Variants in PTPRJ observed in about 807,000 individuals in gnomAD.
The protein encoded by PTPRJ is receptor-type tyrosine-protein phosphatase eta.
PTPRJ carries 129 observed loss-of-function variants against 141.3 expected under a neutral mutation model. That is an observed-to-expected ratio of 0.91 (90% CI 0.79 to 1.06). PTPRJ has a LOEUF of 1.06. Among genes scored for constraint, PTPRJ ranks in the 50% least tolerant of loss-of-function variants. PTPRJ has a pLI of 0.00. For missense variants in PTPRJ, 1,601 were observed against 1,679.7 expected (o/e 0.95, Z 0.82); for synonymous variants, 610 against 640.5 (o/e 0.95, Z 0.72).
chr11:48,126,775 A>AACACACACAC (rs10599361), intron 6 of PTPRJ, among the ~76,000 whole-genome samples: 168 of 137,238 alleles, frequency 1.2e-3, no homozygotes, highest in Non-Finnish European at 1.7e-3. Flanking sequence ...AGTCTGTTGC[A>AACACACACAC]ACACACACAC....
intron 1 of PTPRJ, among the ~76,000 whole-genome samples, chr11:48,085,280 G>C (rs1855671410): frequency 6.7e-6 from 1 of 150,024 alleles, no homozygotes; most frequent in African/African-American, 2.5e-5. Flanking sequence ...TTTTGTATTG[G>C]AAACATCATT....
At chr11:48,111,662 C>T (rs1203700285) in intron 2 of PTPRJ, among the ~76,000 whole-genome samples, 1 of 152,064 alleles carries the variant, frequency 6.6e-6, no homozygotes, top group African/African-American at 2.4e-5. Context: ...ATTCAAACAT[C>T]TACCGTAGGT....
intron 1 of PTPRJ, among the ~76,000 whole-genome samples, chr11:48,048,665 G>T: frequency 6.6e-6 from 1 of 152,106 alleles, no homozygotes; most frequent in East Asian, 1.9e-4. Flanking sequence ...GTGATGGCGC[G>T]TGCCTGTATT....
In PTPRJ at chr11:48,111,194, C is replaced by T. The variant is rs573651553; in HGVS notation, c.115+1118C>T. 5.0e-4 allele frequency among the ~76,000 whole-genome samples: 73 copies of T among 146,534 alleles called. 2 individuals are homozygous for T. The South Asian group carries it at 0.015, about 29-fold the overall frequency. On this transcript the variant is annotated intron_variant, in intron 2 of 24. Transcript: ENST00000418331. ...ACTTGGGAGGCTGAGGCAGGAGAAT[C>T]GCTTGAGCCTGAGAGGTGGAGGCTG...
intron 1 of PTPRJ, among the ~76,000 whole-genome samples, chr11:48,068,399 A>G (rs1043713715): frequency 6.6e-6 from 1 of 152,190 alleles, no homozygotes; most frequent in Admixed American, 6.5e-5. Flanking sequence ...TTCTGGTGGT[A>G]GTGAATAAGT....
In PTPRJ at chr11:48,115,603, A is replaced by G. The variant is rs1010944272; in HGVS notation, c.352+2620A>G. ...GACACTAGTGATTAATTGAAAACAT[A>G]TGAAAGGATAAGACTAGTAAAATAA... On this transcript the variant is annotated intron_variant, in intron 3 of 24. Transcript: ENST00000418331. 2.0e-5 allele frequency among the ~76,000 whole-genome samples: 3 copies of G among 152,254 alleles called. 1 individual carries two copies. Among genetic ancestry groups the G allele is most frequent in the South Asian group, 4.1e-4 (2 of 4,838 alleles).
chr11:48,056,888 A>G (rs1164161223), intron 1 of PTPRJ, among the ~76,000 whole-genome samples: 1 of 152,214 alleles, frequency 6.6e-6, no homozygotes, highest in Non-Finnish European at 1.5e-5. Flanking sequence ...CGGGAGGAGG[A>G]GGTTGCAGTG....
At position 48,005,809 on chromosome 11, in the gene PTPRJ, T is replaced by C. The variant is rs7120424; in HGVS notation, c.96+24801T>C. Among the ~76,000 whole-genome samples the C allele has an allele frequency of 9.7e-3, 1,473 of 152,346 alleles. 34 individuals carry two copies. The highest frequency in any genetic ancestry group is 0.034 in the African/African-American group (1,421 of 41,584). ...TGGGCTGGGTTTAGGGCAAGCTTCA[T>C]GTGCTTCCTTTCTTTTAAGGGACTC... On this transcript the variant is annotated intron_variant, in intron 1 of 24. Coordinates refer to ENST00000418331, the MANE Select transcript of PTPRJ (RefSeq NM_002843.4).
chr11:48,007,523 C>T (rs1417914150), intron 1 of PTPRJ, among the ~76,000 whole-genome samples: 3 of 152,170 alleles, frequency 2.0e-5, no homozygotes, highest in African/African-American at 7.2e-5. Context: ...GTGCCTCAGC[C>T]TCCTGAGTAG....
At chr11:48,119,561 A>G (rs556804700) in intron 3 of PTPRJ, among the ~76,000 whole-genome samples, 27 of 151,964 alleles carry the variant, frequency 1.8e-4, no homozygotes, top group Admixed American at 5.9e-4. Context: ...ACCATGCCCA[A>G]TTAATTTTTG....
In PTPRJ at chr11:48,164,459, G is replaced by A. The variant is rs373684297; in HGVS notation, c.3799G>A (p.Val1267Met). ...GATAGAGAATGAGAACACCGTGGAT[G>A]TGTATGGGATTGTGTATGACCTTCG... ...YQIENENTVD[V>M]YGIVYDLRMH... Residue 1267 changes from valine to methionine, a missense_variant, in exon 24 of 25, where the codon GTG becomes ATG. By Grantham distance (21) the Val-to-Met change is conservative. Coordinates refer to ENST00000418331, the MANE Select transcript of PTPRJ (RefSeq NM_002843.4). The A allele has an allele frequency of 2.9e-5, 46 of 1,612,664 alleles. No individual in the cohort carries two copies. The highest frequency in any genetic ancestry group is 3.8e-5 in the Non-Finnish European group (45 of 1,179,368).
chr11:48,085,620 C>G (rs547567424), intron 1 of PTPRJ, among the ~76,000 whole-genome samples: 7 of 151,996 alleles, frequency 4.6e-5, no homozygotes, highest in African/African-American at 1.7e-4. Flanking sequence ...GCTGGGATTG[C>G]GGGCTGGGAT....
At chr11:48,000,140 C>CTT (rs1168869186) in intron 1 of PTPRJ, among the ~76,000 whole-genome samples, 4 of 121,354 alleles carry the variant, frequency 3.3e-5, no homozygotes, top group African/African-American at 6.5e-5. Context: ...ATGCCTGGCC[C>CTT]TTTTTTTTTT....
intron 1 of PTPRJ, among the ~76,000 whole-genome samples, chr11:47,996,484 G>A (rs994425685): frequency 6.6e-6 from 1 of 152,110 alleles, no homozygotes. Flanking sequence ...ATCTGTTACT[G>A]CATCTGGAAA....
chr11:48,089,503 G>A (rs561091824), intron 1 of PTPRJ, among the ~76,000 whole-genome samples: 14 of 131,500 alleles, frequency 1.1e-4, no homozygotes, highest in African/African-American at 3.6e-4. Flanking sequence ...GCAACGGAGC[G>A]AGACTCCATC....
In PTPRJ at chr11:48,053,316, TA is replaced by T. The variant is rs1243196073; in HGVS notation, c.97-56741del. ...ATATATAAAATATATAAATATATAATATATATTATATATTAATATATTATAT... is the reference window on the plus strand; with the variant it reads ...ATATATAAAATATATAAATATATAATTATATTATATATTAATATATTATAT... On this transcript the variant is annotated intron_variant, in intron 1 of 24. Coordinates refer to ENST00000418331, the MANE Select transcript of PTPRJ (RefSeq NM_002843.4). Among the ~76,000 whole-genome samples the T allele has an allele frequency of 6.8e-3, 626 of 91,388 alleles. 5 individuals carry two copies. The highest frequency in any genetic ancestry group is 0.024 in the Middle Eastern group (5 of 206). 60.0% of individuals were successfully genotyped at this position (91,388 alleles called of 152,430 possible).
At chr11:48,051,084 CTTTTT>C (rs59987198) in intron 1 of PTPRJ, among the ~76,000 whole-genome samples, 1 of 79,308 alleles carries the variant, frequency 1.3e-5, no homozygotes, top group African/African-American at 5.9e-5. Context: ...TAACTGATGA[CTTTTT>C]TTTTTTTTTT....
intron 1 of PTPRJ, among the ~76,000 whole-genome samples, chr11:48,069,259 C>T (rs1481341055): frequency 1.3e-5 from 2 of 151,002 alleles, no homozygotes; most frequent in African/African-American, 4.9e-5. Context: ...GCCACCATGC[C>T]CAGCTAATTT....
chr11:48,026,996 CTTTTTTT>C (rs1206503872), intron 1 of PTPRJ, among the ~76,000 whole-genome samples: 3 of 113,230 alleles, frequency 2.6e-5, no homozygotes, highest in East Asian at 2.7e-4. Context: ...TTGGAATACC[CTTTTTTT>C]TTTTTTTTTT....
Sources: allele counts gnomAD v4.1 joint callset (sites outside exome capture counted in the v4.1 genomes callset), GRCh38; gene constraint gnomAD v4.1.1; transcripts MANE v1.5; gene names NCBI Gene and HGNC (gene_info 2026-07-23, HGNC 2026-07-21).